Variants in TTC6 observed in about 807,000 individuals in gnomAD.
The protein encoded by TTC6 is tetratricopeptide repeat domain 6.
In TTC6, 172 loss-of-function variants were observed where a neutral mutation model predicts 210.4. That is an observed-to-expected ratio of 0.82 (90% CI 0.72 to 0.93). TTC6 has a LOEUF of 0.93. Ranked by LOEUF, TTC6 falls within the 40% of genes least tolerant of loss-of-function variation. TTC6 has a pLI of 0.00. For synonymous variants in TTC6, 804 were observed against 819.6 expected (o/e 0.98, Z 0.32); for missense variants, 2,414 against 2,318.1 (o/e 1.04, Z -0.85).
intron 2 of TTC6, among the ~76,000 whole-genome samples, chr14:37,681,938 C>T (rs1566884387): frequency 6.6e-6 from 1 of 152,118 alleles, no homozygotes; most frequent in African/African-American, 2.4e-5. Flanking sequence ...CACCCTTTTG[C>T]AGTTAGATGG....
At chr14:37,818,156 T>TA (rs1207467877) in intron 26 of TTC6, among the ~76,000 whole-genome samples, 3 of 152,002 alleles carry the variant, frequency 2.0e-5, no homozygotes, top group Non-Finnish European at 4.4e-5. Context: ...GAAATATCTA[T>TA]AAAAAACACA....
chr14:37,602,180 C>T (rs1566831903), intron 1 of TTC6, among the ~76,000 whole-genome samples: 1 of 152,236 alleles, frequency 6.6e-6, no homozygotes. Flanking sequence ...AGTGATCTTC[C>T]TCGGTACCGG....
At chr14:37,788,533 T>C (rs2096072811) in intron 15 of TTC6, among the ~76,000 whole-genome samples, 1 of 152,210 alleles carries the variant, frequency 6.6e-6, no homozygotes, top group Non-Finnish European at 1.5e-5. Context: ...TCATTCTGTG[T>C]GTTGACAGGA....
At chr14:37,794,361 G>A (rs1013428575) in intron 17 of TTC6, among the ~76,000 whole-genome samples, 15 of 152,052 alleles carry the variant, frequency 9.9e-5, no homozygotes, top group African/African-American at 2.7e-4. Flanking sequence ...GGTACTGCCT[G>A]CTTCCATGCA....
chr14:37,805,041 A>G (rs919992600), intron 21 of TTC6, among the ~76,000 whole-genome samples: 5 of 152,226 alleles, frequency 3.3e-5, no homozygotes, highest in Non-Finnish European at 7.3e-5. Context: ...CTAAAGATTA[A>G]TATGCGTTTC....
chr14:37,820,678 T>A (rs2096153324), intron 26 of TTC6, among the ~76,000 whole-genome samples: 1 of 152,146 alleles, frequency 6.6e-6, no homozygotes, highest in Non-Finnish European at 1.5e-5. Context: ...CCTGGAAATG[T>A]CCATTGACCT....
intron 28 of TTC6, 100 bp from the exon 31 acceptor site, chr14:37,827,096 A>T (rs570658487): frequency 2.1e-6 from 2 of 973,482 alleles, no homozygotes; most frequent in African/African-American, 1.7e-5. Context: ...AAAATTACTC[A>T]TTTCCCACAA....
chr14:37,764,667 G>A (rs775602627), intron 14 of TTC6, among the ~76,000 whole-genome samples: 10 of 151,952 alleles, frequency 6.6e-5, no homozygotes, highest in Non-Finnish European at 1.2e-4. Context: ...TCTTTGATCT[G>A]AATTGAGTTT....
chr14:37,619,912 G>A (rs906822586), upstream of TTC6, among the ~76,000 whole-genome samples: 1 of 151,732 alleles, frequency 6.6e-6, no homozygotes, highest in Non-Finnish European at 1.5e-5. Flanking sequence ...CAGTATTTTG[G>A]GAAGACCTGA....
At chr14:37,829,080 G>A (rs753135796) in intron 29 of TTC6, among the ~76,000 whole-genome samples, 1 of 151,790 alleles carries the variant, frequency 6.6e-6, no homozygotes, top group Admixed American at 6.6e-5. Flanking sequence ...GTGATATGAG[G>A]ATCATGACCT....
chr14:37,674,324 A>T (rs1481227287), intron 1 of TTC6, among the ~76,000 whole-genome samples: 1 of 152,100 alleles, frequency 6.6e-6, no homozygotes, highest in Non-Finnish European at 1.5e-5. Flanking sequence ...AGTAACAGTT[A>T]TGTGGTTAGT....
intron 10 of TTC6, among the ~76,000 whole-genome samples, chr14:37,745,433 T>G (rs2095933015): frequency 6.6e-6 from 1 of 152,182 alleles, no homozygotes; most frequent in East Asian, 1.9e-4. Context: ...TTGCTTTTTG[T>G]TTGCTATCTT....
chr14:37,668,116 C>T (rs955876959), intron 1 of TTC6, among the ~76,000 whole-genome samples: 2 of 149,562 alleles, frequency 1.3e-5, no homozygotes, highest in Non-Finnish European at 3.0e-5. Context: ...GCCTGGGCGA[C>T]AGTGTGAGAC....
At chr14:37,770,995 C>G (rs1392297237) in intron 14 of TTC6, among the ~76,000 whole-genome samples, 6 of 122,512 alleles carry the variant, frequency 4.9e-5, no homozygotes, top group Non-Finnish European at 1.1e-4. Flanking sequence ...TTAGGGCAGG[C>G]CTGGTGGTGA....
chr14:37,785,995 T>C (rs898286098), intron 14 of TTC6, among the ~76,000 whole-genome samples: 1 of 152,150 alleles, frequency 6.6e-6, no homozygotes, highest in Non-Finnish European at 1.5e-5. Flanking sequence ...AAGCTTTGTC[T>C]CAGAGGGGCA....
intron 14 of TTC6, among the ~76,000 whole-genome samples, chr14:37,767,006 G>T (rs912563554): frequency 3.9e-5 from 6 of 152,014 alleles, no homozygotes; most frequent in African/African-American, 1.4e-4. Context: ...GTGTCCATGT[G>T]ATCTCATTGT....
chr14:37,599,937 T>C (rs1336089852), intron 1 of TTC6, among the ~76,000 whole-genome samples: 1 of 152,124 alleles, frequency 6.6e-6, no homozygotes, highest in Non-Finnish European at 1.5e-5. Context: ...TCAGCGCCTG[T>C]TGGAGGACGT....
At chr14:37,683,053 G>T (rs188437054) in intron 3 of TTC6, 89 bp downstream of exon 5, 7 of 1,181,590 alleles carry the variant, frequency 5.9e-6, no homozygotes, top group Non-Finnish European at 8.4e-6. Context: ...AAGGACCAAC[G>T]TATGGGGCTG....
At chr14:37,657,901 G>T (rs955524397) in intron 1 of TTC6, among the ~76,000 whole-genome samples, 2 of 152,122 alleles carry the variant, frequency 1.3e-5, no homozygotes, top group Admixed American at 1.3e-4. Flanking sequence ...GTCTGACCTT[G>T]CAGGATGAAA....
Sources: gnomAD v4.1 joint callset for allele counts (sites outside exome capture counted in the v4.1 genomes callset) on GRCh38, gnomAD v4.1.1 for gene constraint, MANE v1.5 for transcripts, NCBI Gene and HGNC (gene_info 2026-07-23, HGNC 2026-07-21) for gene names.